Variants in CCDC91 observed in about 807,000 individuals in gnomAD.
CCDC91 encodes coiled-coil domain-containing protein 91.
A neutral mutation model predicts 63.2 loss-of-function variants in CCDC91; 48 were observed. That is an observed-to-expected ratio of 0.76 (90% CI 0.60 to 0.97). The LOEUF (loss-of-function observed/expected upper bound fraction) is 0.97, where lower values mean the gene tolerates loss of function less well. Among genes scored for constraint, CCDC91 ranks in the 50% least tolerant of loss-of-function variants. CCDC91 has a pLI of 0.00. For missense variants in CCDC91, 500 were observed against 494.6 expected (o/e 1.01, Z -0.10); for synonymous variants, 167 against 165.8 (o/e 1.01, Z -0.06).
chr12:28,386,446 G>A (rs1945605102), intron 7 of CCDC91, among the ~76,000 whole-genome samples: 1 of 152,130 alleles, frequency 6.6e-6, no homozygotes, highest in Admixed American at 6.6e-5. Flanking sequence ...TCAGCTCACT[G>A]TAACCTCTGC....
intron 3 of CCDC91, among the ~76,000 whole-genome samples, chr12:28,282,379 GACTT>G (rs1948666404): frequency 6.6e-6 from 1 of 152,066 alleles, no homozygotes; most frequent in South Asian, 2.1e-4. Context: ...TTTTGTTCCT[GACTT>G]ACTTCACTTA....
At chr12:28,311,425 C>A (rs113087477) in intron 6 of CCDC91, among the ~76,000 whole-genome samples, 6 of 152,020 alleles carry the variant, frequency 3.9e-5, no homozygotes, top group African/African-American at 1.4e-4. Flanking sequence ...TCTTCACAAC[C>A]ACTTGGTTTT....
chr12:28,194,580 T>C (rs1421927941), intron 1 of CCDC91, among the ~76,000 whole-genome samples: 1 of 152,016 alleles, frequency 6.6e-6, no homozygotes, highest in Non-Finnish European at 1.5e-5. Context: ...AAATTGTTCA[T>C]TCCTCCTGGT....
intron 1 of CCDC91, among the ~76,000 whole-genome samples, chr12:28,193,009 T>C (rs900691608): frequency 2.7e-4 from 41 of 152,254 alleles, no homozygotes; most frequent in African/African-American, 9.2e-4. Context: ...GTATGTAGCC[T>C]TATGTTTCAG....
chr12:28,336,665 C>A (rs1942004904), intron 6 of CCDC91, among the ~76,000 whole-genome samples: 1 of 151,862 alleles, frequency 6.6e-6, no homozygotes, highest in Non-Finnish European at 1.5e-5. Context: ...AATGAAGAGT[C>A]ATTTTTGGAG....
intron 12 of CCDC91, among the ~76,000 whole-genome samples, chr12:28,517,259 T>C (rs1940053849): frequency 6.6e-6 from 1 of 151,950 alleles, no homozygotes; most frequent in Non-Finnish European, 1.5e-5. Context: ...GCCTTAGTTA[T>C]AGGCTGAAGT....
chr12:28,451,084 T>C (rs192850734), intron 10 of CCDC91, among the ~76,000 whole-genome samples: 1 of 151,870 alleles, frequency 6.6e-6, no homozygotes, highest in Non-Finnish European at 1.5e-5. Flanking sequence ...TAAATTACTT[T>C]TGAATTGAGC....
intron 12 of CCDC91, among the ~76,000 whole-genome samples, chr12:28,499,001 G>A (rs1467722696): frequency 6.6e-6 from 1 of 151,558 alleles, no homozygotes; most frequent in Non-Finnish European, 1.5e-5. Flanking sequence ...ATGAAGGAAT[G>A]CCATTAAACA....
chr12:28,264,993 GCAAA>G (rs1005323397), intron 3 of CCDC91, among the ~76,000 whole-genome samples: 2 of 151,902 alleles, frequency 1.3e-5, no homozygotes, highest in African/African-American at 4.8e-5. Flanking sequence ...GTTAATATTG[GCAAA>G]CACTTTCATC....
chr12:28,478,358 G>A (rs1021333850), intron 11 of CCDC91, among the ~76,000 whole-genome samples: 1 of 152,118 alleles, frequency 6.6e-6, no homozygotes, highest in African/African-American at 2.4e-5. Flanking sequence ...ACAAGAAATG[G>A]GGAAAGGATT....
At chr12:28,546,201 G>GT (rs1162471519) in intron 12 of CCDC91, among the ~76,000 whole-genome samples, 1 of 151,956 alleles carries the variant, frequency 6.6e-6, no homozygotes, top group Non-Finnish European at 1.5e-5. Context: ...AAAGAAATGG[G>GT]TTTTTGCCTA....
intron 3 of CCDC91, among the ~76,000 whole-genome samples, chr12:28,262,390 T>G (rs931719532): frequency 6.6e-6 from 1 of 151,962 alleles, no homozygotes; most frequent in African/African-American, 2.4e-5. Context: ...ATTCTTGGGG[T>G]TAGGATAAAG....
At chr12:28,226,660 A>C (rs1197606468) in intron 1 of CCDC91, among the ~76,000 whole-genome samples, 3 of 152,190 alleles carry the variant, frequency 2.0e-5, no homozygotes, top group Non-Finnish European at 4.4e-5. Flanking sequence ...CATTTGTTTA[A>C]ATGAATGGCC....
At chr12:28,493,547 A>G (rs1023871185) in intron 12 of CCDC91, among the ~76,000 whole-genome samples, 1 of 151,658 alleles carries the variant, frequency 6.6e-6, no homozygotes, top group African/African-American at 2.4e-5. Flanking sequence ...GACAGAACTT[A>G]CATGCATGGA....
At chr12:28,448,454 C>T (rs932809982) in intron 8 of CCDC91, among the ~76,000 whole-genome samples, 5 of 152,142 alleles carry the variant, frequency 3.3e-5, no homozygotes, top group Admixed American at 2.6e-4. Flanking sequence ...CTTACACAAA[C>T]AAGCTCAAAA....
chr12:28,541,628 T>C (rs1305924306), intron 12 of CCDC91, among the ~76,000 whole-genome samples: 1 of 152,066 alleles, frequency 6.6e-6, no homozygotes, highest in African/African-American at 2.4e-5. Context: ...AAATGATATA[T>C]TTGGGATCCC....
intron 12 of CCDC91, among the ~76,000 whole-genome samples, chr12:28,500,994 G>A (rs1379073314): frequency 6.6e-6 from 1 of 151,556 alleles, no homozygotes; most frequent in Non-Finnish European, 1.5e-5. Flanking sequence ...GCTATTAGAT[G>A]CCCTTTATAT....
At chr12:28,530,247 C>T (rs1941622101) in intron 12 of CCDC91, among the ~76,000 whole-genome samples, 1 of 152,218 alleles carries the variant, frequency 6.6e-6, no homozygotes, top group South Asian at 2.1e-4. Flanking sequence ...TGAAAACACT[C>T]ACTTTTGGAA....
intron 12 of CCDC91, among the ~76,000 whole-genome samples, chr12:28,506,259 T>A (rs1251682902): frequency 6.6e-6 from 1 of 151,906 alleles, no homozygotes; most frequent in Non-Finnish European, 1.5e-5. Flanking sequence ...AAGCAAGACA[T>A]CTTTGGAAAC....
Sources: gnomAD v4.1 joint callset for allele counts (sites outside exome capture counted in the v4.1 genomes callset) on GRCh38, gnomAD v4.1.1 for gene constraint, MANE v1.5 for transcripts, NCBI Gene and HGNC (gene_info 2026-07-23, HGNC 2026-07-21) for gene names.